Variants in NELL1 observed in about 807,000 individuals in gnomAD.
The protein encoded by NELL1 is protein kinase C-binding protein NELL1.
NELL1 carries 76 observed loss-of-function variants against 107.4 expected under a neutral mutation model. The observed-to-expected ratio is 0.71, with a 90% CI of 0.59 to 0.86. The LOEUF is 0.86. NELL1 is among the 40% of genes least tolerant of loss of function. The probability of loss-of-function intolerance (pLI) is 0.00; values close to 1 mark genes in which losing one functional copy is unlikely to be tolerated. For missense variants in NELL1, 1,024 were observed against 1,005.5 expected, an observed-to-expected ratio of 1.02 and a Z score of -0.25; for synonymous variants, 353 against 341.2, an observed-to-expected ratio of 1.03 and a Z score of -0.38.
chr11:21,546,090 T>G (rs1264564708), intron 16 of NELL1, among the ~76,000 whole-genome samples: 1 of 151,966 alleles, frequency 6.6e-6, no homozygotes, highest in African/African-American at 2.4e-5. Flanking sequence ...GGAACCATAG[T>G]TTTTCCTGGG....
At chr11:20,729,437 A>T (rs1855581033) in intron 2 of NELL1, among the ~76,000 whole-genome samples, 1 of 152,036 alleles carries the variant, frequency 6.6e-6, no homozygotes, top group African/African-American at 2.4e-5. Flanking sequence ...GATGTTGGTT[A>T]TGGATTTGTC....
chr11:21,217,737 T>C (rs2959170), intron 13 of NELL1, among the ~76,000 whole-genome samples: 151,676 of 152,276 alleles, frequency 1, 75,541 homozygotes, highest in Middle Eastern at 1. Flanking sequence ...TTTTAAGATA[T>C]GTAAAAGGTT....
At chr11:21,325,148 A>G (rs1237952322) in intron 14 of NELL1, among the ~76,000 whole-genome samples, 1 of 152,112 alleles carries the variant, frequency 6.6e-6, no homozygotes, top group Non-Finnish European at 1.5e-5. Context: ...CGATAATTCC[A>G]TCACTCAGAT....
At chr11:20,687,297 TAGATG>T (rs1467802854) in intron 2 of NELL1, among the ~76,000 whole-genome samples, 5 of 152,058 alleles carry the variant, frequency 3.3e-5, no homozygotes, top group Non-Finnish European at 7.4e-5. Flanking sequence ...GATATTAATG[TAGATG>T]AGTGTGACCA....
At chr11:20,943,474 T>C (rs1395066946) in intron 10 of NELL1, among the ~76,000 whole-genome samples, 1 of 151,950 alleles carries the variant, frequency 6.6e-6, no homozygotes, top group African/African-American at 2.4e-5. Context: ...TCCCAGCTAC[T>C]TGGGAGGCTG....
chr11:21,175,023 G>C (rs1433104334), intron 13 of NELL1, among the ~76,000 whole-genome samples: 1 of 151,688 alleles, frequency 6.6e-6, no homozygotes, highest in Non-Finnish European at 1.5e-5. Context: ...GGACAAACAT[G>C]ACCTAAAACA....
chr11:20,786,674 G>A (rs1856965274), intron 3 of NELL1, among the ~76,000 whole-genome samples: 2 of 152,094 alleles, frequency 1.3e-5, no homozygotes, highest in Non-Finnish European at 2.9e-5. Context: ...GGCAGAAGGA[G>A]AGACCGAGGC....
chr11:21,360,673 G>A (rs983655819), intron 14 of NELL1, among the ~76,000 whole-genome samples: 3 of 152,062 alleles, frequency 2.0e-5, no homozygotes, highest in Admixed American at 1.3e-4. Context: ...GGGAGCTCCA[G>A]TATTAGGTGC....
intron 13 of NELL1, among the ~76,000 whole-genome samples, chr11:21,194,718 C>A (rs557830094): frequency 6.6e-6 from 1 of 152,122 alleles, no homozygotes; most frequent in African/African-American, 2.4e-5. Context: ...TTTTAATAAG[C>A]CTTCCATATG....
At chr11:21,221,241 A>G (rs185451443) in intron 13 of NELL1, among the ~76,000 whole-genome samples, 42 of 152,294 alleles carry the variant, frequency 2.8e-4, no homozygotes, top group Admixed American at 7.2e-4. Flanking sequence ...CTACTTGATC[A>G]TGGTGTATAA....
chr11:21,394,484 C>A (rs1851942043), intron 15 of NELL1, among the ~76,000 whole-genome samples: 2 of 151,130 alleles, frequency 1.3e-5, no homozygotes, highest in African/African-American at 4.9e-5. Context: ...CTTTAGAGTT[C>A]TAGGGGCTTG....
chr11:21,171,358 C>T (rs941337347), intron 13 of NELL1, among the ~76,000 whole-genome samples: 11 of 151,748 alleles, frequency 7.2e-5, no homozygotes, highest in Admixed American at 1.3e-4. Context: ...TGTAATCTCA[C>T]GACAAGAAAT....
At chr11:21,409,273 C>A (rs1350724536) in intron 15 of NELL1, among the ~76,000 whole-genome samples, 1 of 152,012 alleles carries the variant, frequency 6.6e-6, no homozygotes, top group Non-Finnish European at 1.5e-5. Flanking sequence ...GAGTTCATGT[C>A]CTTTGTAGGG....
intron 15 of NELL1, among the ~76,000 whole-genome samples, chr11:21,525,853 A>G (rs910673057): frequency 1.3e-5 from 2 of 152,182 alleles, no homozygotes; most frequent in African/African-American, 4.8e-5. Flanking sequence ...TGATTATTTT[A>G]TCTCCACCTG....
chr11:21,458,850 G>T lies in NELL1; in HGVS notation c.1646-75524G>T, dbSNP rs183717088. Among the ~76,000 whole-genome samples, 3 of 152,082 alleles carry T rather than the reference G, an allele frequency of 2.0e-5. No individual in the cohort carries two copies. In the East Asian group the frequency reaches 5.8e-4, roughly 29 times the overall value. ...GTAGATATGGGGAAAGGAATGAAGA[G>T]AATTTTTTTCTGTTAAATGAACAGC... On this transcript the variant is annotated intron_variant, in intron 15 of 19. Transcript: ENST00000357134.
chr11:21,569,303 A>G (rs530878112), intron 17 of NELL1, among the ~76,000 whole-genome samples: 1 of 152,094 alleles, frequency 6.6e-6, no homozygotes, highest in Admixed American at 6.6e-5. Context: ...ACCATTGCTG[A>G]ATAATTCTAT....
chr11:21,574,077 TAGCTGATTTGG>T (rs1857167269), intron 19 of NELL1, among the ~76,000 whole-genome samples: 1 of 151,816 alleles, frequency 6.6e-6, no homozygotes, highest in Non-Finnish European at 1.5e-5. Flanking sequence ...GCTGGAGTGG[TAGCTGATTTGG>T]AACAATCATT....
intron 14 of NELL1, among the ~76,000 whole-genome samples, chr11:21,364,926 T>TA (rs1429775232): frequency 6.6e-6 from 1 of 152,216 alleles, no homozygotes. Flanking sequence ...GTGTGAGTTA[T>TA]AAACACCTTT....
chr11:21,432,787 T>A (rs1344328456), intron 15 of NELL1, among the ~76,000 whole-genome samples: 3 of 152,216 alleles, frequency 2.0e-5, no homozygotes, highest in Admixed American at 6.5e-5. Flanking sequence ...TTTTGATACA[T>A]GTATACAATG....
Sources: allele counts gnomAD v4.1 joint callset (sites outside exome capture counted in the v4.1 genomes callset), GRCh38; gene constraint gnomAD v4.1.1; transcripts MANE v1.5; gene names NCBI Gene and HGNC (gene_info 2026-07-23, HGNC 2026-07-21).